SLA: variants seen among roughly 807,000 people sequenced by gnomAD.
The protein encoded by SLA is Src like adaptor.
In SLA, 16 loss-of-function variants were observed where a neutral mutation model predicts 30.3. The observed-to-expected ratio is 0.53, with a 90% CI of 0.36 to 0.80. SLA has a LOEUF of 0.80. Among genes scored for constraint, SLA ranks in the 30% least tolerant of loss-of-function variants. The pLI is 0.01. For missense variants in SLA, 310 were observed against 345.2 expected, an observed-to-expected ratio of 0.90 and a Z score of 0.81; for synonymous variants, 143 against 137.8, an observed-to-expected ratio of 1.04 and a Z score of -0.26.
At chr8:133,061,127 C>T (rs1046410323) in intron 2 of SLA, among the ~76,000 whole-genome samples, 5 of 152,232 alleles carry the variant, frequency 3.3e-5, no homozygotes, top group Non-Finnish European at 7.3e-5. Context: ...TCTCCTGCCT[C>T]AGCCTTCCAA....
At chr8:133,102,331 C>T (rs1016275872) in intron 1 of SLA, 13 of 492,470 alleles carry the variant, frequency 2.6e-5, no homozygotes, top group Non-Finnish European at 3.3e-5. Context: ...AGTGCAGCTT[C>T]CCAGGGAAGT....
At chr8:133,045,291 C>T (rs1179927319) in intron 6 of SLA, among the ~76,000 whole-genome samples, 176 bp from the exon 7 acceptor site, 3 of 152,084 alleles carry the variant, frequency 2.0e-5, no homozygotes, top group Non-Finnish European at 2.9e-5. Context: ...TGTTGCTTCC[C>T]GTTAGAGACT....
Position 133,037,291 on chromosome 8 carries a change from T to C in SLA, c.*1233A>G, listed in dbSNP as rs1169633701. On this transcript the variant is annotated 3_prime_UTR_variant, in exon 9 of 9. Transcript: ENST00000338087. The stretch of plus-strand genomic sequence containing the variant: ...ACATTGTGTTTTCTCCCTTGTCTCT[T>C]AAAATTATGCATGACATCATTAATC... 1 of 152,210 alleles carries C rather than the reference T, an allele frequency of 6.6e-6. No individual in the cohort carries two copies. Among genetic ancestry groups the C allele is most frequent in the Non-Finnish European group, 1.5e-5 (1 of 68,038 alleles). 9.4% of individuals were successfully genotyped at this position (152,210 alleles called of 1,614,324 possible).
intron 2 of SLA, among the ~76,000 whole-genome samples, chr8:133,070,424 A>T (rs1323647715): frequency 6.6e-6 from 1 of 152,204 alleles, no homozygotes; most frequent in Non-Finnish European, 1.5e-5. Flanking sequence ...CACTATGCGG[A>T]GGGCCTAAAG....
chr8:133,081,526 G>A (rs1411999067), intron 1 of SLA, among the ~76,000 whole-genome samples: 1 of 152,104 alleles, frequency 6.6e-6, no homozygotes, highest in African/African-American at 2.4e-5. Context: ...GAACCTAAAT[G>A]TGTATGTCAT....
intron 6 of SLA, among the ~76,000 whole-genome samples, chr8:133,045,803 C>T (rs1158688930): frequency 1.3e-5 from 2 of 152,094 alleles, no homozygotes; most frequent in Non-Finnish European, 2.9e-5. Context: ...GATCCATGGT[C>T]GTTTTTGGAC....
At chr8:133,064,723 A>T (rs933048089) in intron 2 of SLA, among the ~76,000 whole-genome samples, 1 of 152,232 alleles carries the variant, frequency 6.6e-6, no homozygotes, top group Non-Finnish European at 1.5e-5. Context: ...TCTGTTTCGC[A>T]GATCTGGGTC....
chr8:133,048,957 A>G (rs1170798234), intron 5 of SLA: 2 of 325,990 alleles, frequency 6.1e-6, no homozygotes, highest in Non-Finnish European at 1.2e-5. Context: ...GAAGTAACTT[A>G]GTGTTTATCA....
intron 1 of SLA, among the ~76,000 whole-genome samples, chr8:133,081,523 AATGTGT>A (rs1258407437): frequency 6.6e-6 from 1 of 152,164 alleles, no homozygotes; most frequent in East Asian, 1.9e-4. Flanking sequence ...GTGGAACCTA[AATGTGT>A]ATGTCATCAG....
At position 133,038,304 on chromosome 8, in the gene SLA, A is replaced by G. The variant is rs1435305566; in HGVS notation, c.*220T>C. On this transcript the variant is annotated 3_prime_UTR_variant, in exon 9 of 9. Coordinates refer to ENST00000338087, the MANE Select transcript of SLA (RefSeq NM_001045556.3). ...GCATCGCCCGACATGTCATGATCCA[A>G]TGTTTCGTGATGCCACAGCCCTGAT... The G allele has an allele frequency of 5.2e-6, 3 of 581,912 alleles. No homozygotes were observed. Among genetic ancestry groups the G allele is most frequent in the South Asian group, 2.0e-5 (1 of 48,914 alleles). 36.0% of individuals were successfully genotyped at this position (581,912 alleles called of 1,614,324 possible).
chr8:133,078,633 A>T (rs1378544630), intron 1 of SLA, among the ~76,000 whole-genome samples: 1 of 152,238 alleles, frequency 6.6e-6, no homozygotes, highest in Admixed American at 6.5e-5. Flanking sequence ...GACGCTATGC[A>T]TGTAACTGTA....
chr8:133,095,310 A>C, intron 1 of SLA: 1 of 1,523,952 alleles, frequency 6.6e-7, no homozygotes, highest in Non-Finnish European at 9.1e-7. Context: ...GCCATACCAC[A>C]CATGAGGCTG....
rs1257100658 is a variant in SLA, at chr8:133,045,068, T to C, written c.400A>G (p.Ile134Val). Residue 134 changes from isoleucine (I) to valine (V), a missense_variant, in exon 7 of 9, where the codon ATT (isoleucine) becomes GTT (valine). Physicochemically the swap from Ile to Val is conservative, Grantham distance 29 (BLOSUM62 3). Transcript: ENST00000338087. ...VRHRQVKHYRIFRLPNNWYYI... is the reference protein window; with the variant it reads ...VRHRQVKHYRVFRLPNNWYYI... ...TACCAGTTGTTGGGCAGACGGAAAA[T>C]GCGGTAATGCTTTACCTGCCTGTGT... is the stretch of plus-strand genomic sequence containing the variant. The C allele has an allele frequency of 1.2e-6, 2 of 1,614,140 alleles. No homozygotes were observed. The highest frequency in any genetic ancestry group is 8.5e-7 in the Non-Finnish European group (1 of 1,180,010).
chr8:133,096,011 G>C (rs1848353476), intron 1 of SLA, among the ~76,000 whole-genome samples: 1 of 152,206 alleles, frequency 6.6e-6, no homozygotes, highest in Non-Finnish European at 1.5e-5. Context: ...TCATTGCTGA[G>C]AGTGAGATTC....
intron 1 of SLA, among the ~76,000 whole-genome samples, chr8:133,090,905 A>G (rs1253305933): frequency 6.6e-6 from 1 of 151,974 alleles, no homozygotes; most frequent in Non-Finnish European, 1.5e-5. Flanking sequence ...ACTGTCTGCC[A>G]CAAGCACGAG....
At chr8:133,039,897 T>C in intron 8 of SLA, 101 bp downstream of exon 8, 2 of 1,482,990 alleles carry the variant, frequency 1.3e-6, no homozygotes, top group Non-Finnish European at 1.8e-6. Flanking sequence ...GCCATGGTTT[T>C]CATGTGCTCG....
chr8:133,077,807 G>A (rs1005473867), intron 1 of SLA, among the ~76,000 whole-genome samples: 2 of 151,952 alleles, frequency 1.3e-5, no homozygotes, highest in African/African-American at 4.8e-5. Context: ...GGGCTGACCT[G>A]TGCATTGGAG....
chr8:133,039,847 G>A, intron 8 of SLA, 151 bp downstream of exon 8: 2 of 1,361,224 alleles, frequency 1.5e-6, no homozygotes, highest in East Asian at 2.5e-5. Context: ...ACTTGTGGGG[G>A]GTGCTCACCC....
intron 2 of SLA, among the ~76,000 whole-genome samples, chr8:133,068,101 T>G (rs1476228998): frequency 6.6e-6 from 1 of 152,166 alleles, no homozygotes; most frequent in African/African-American, 2.4e-5. Flanking sequence ...TCATAAAGCA[T>G]CACTTGAAAA....
Sources: allele counts gnomAD v4.1 joint callset (sites outside exome capture counted in the v4.1 genomes callset), GRCh38; gene constraint gnomAD v4.1.1; transcripts MANE v1.5; gene names NCBI Gene and HGNC (gene_info 2026-07-23, HGNC 2026-07-21).